TTC29: variants seen among roughly 807,000 people sequenced by gnomAD.
TTC29 encodes the protein tetratricopeptide repeat domain 29, also known as tetratricopeptide repeat protein 29.
TTC29 carries 49 observed loss-of-function variants against 58.1 expected under a neutral mutation model. The observed-to-expected ratio is 0.84, with a 90% CI of 0.67 to 1.07. The LOEUF (loss-of-function observed/expected upper bound fraction) is 1.07, where lower values mean the gene tolerates loss of function less well. TTC29 is among the 50% of genes least tolerant of loss of function. The pLI is 0.00. For synonymous variants in TTC29, 209 were observed against 196.8 expected, an observed-to-expected ratio of 1.06 and a Z score of -0.52; for missense variants, 582 against 555.6, an observed-to-expected ratio of 1.05 and a Z score of -0.48.
chr4:146,847,554 G>A (rs770750178), intron 8 of TTC29, among the ~76,000 whole-genome samples: 2 of 152,188 alleles, frequency 1.3e-5, no homozygotes, highest in African/African-American at 2.4e-5. Flanking sequence ...CCGGCACTGA[G>A]GCAGAGACAG....
intron 10 of TTC29, among the ~76,000 whole-genome samples, chr4:146,817,603 A>C (rs1416770566): frequency 6.6e-6 from 1 of 152,230 alleles, no homozygotes; most frequent in Non-Finnish European, 1.5e-5. Flanking sequence ...ATATGGAATC[A>C]AAACAGAGCC....
chr4:146,907,892 AT>A (rs900112703), intron 5 of TTC29, among the ~76,000 whole-genome samples: 19 of 152,136 alleles, frequency 1.2e-4, no homozygotes, highest in Middle Eastern at 3.4e-3. Flanking sequence ...TCACCAAAAT[AT>A]TTTTTTTCAC....
intron 6 of TTC29, among the ~76,000 whole-genome samples, chr4:146,885,395 A>G (rs1157324639): frequency 6.6e-6 from 1 of 152,076 alleles, no homozygotes; most frequent in Admixed American, 6.6e-5. Flanking sequence ...ATTTTGGTCA[A>G]GTTTCATTCT....
chr4:146,810,212 A>C (rs1750918416), intron 10 of TTC29, among the ~76,000 whole-genome samples: 1 of 152,168 alleles, frequency 6.6e-6, no homozygotes, highest in Non-Finnish European at 1.5e-5. Context: ...TTGAACAGCG[A>C]GAAGACATGG....
intron 11 of TTC29, among the ~76,000 whole-genome samples, chr4:146,733,212 C>T (rs1744471889): frequency 6.6e-6 from 1 of 152,040 alleles, no homozygotes; most frequent in Admixed American, 6.6e-5. Flanking sequence ...CTATAGATAT[C>T]TTGAAATTAC....
chr4:146,913,644 A>G (rs1053888469), intron 4 of TTC29, among the ~76,000 whole-genome samples: 8 of 152,054 alleles, frequency 5.3e-5, no homozygotes, highest in Non-Finnish European at 7.4e-5. Context: ...TCTTGACAAG[A>G]TTCTCTCGTA....
At chr4:146,744,371 AAG>A (rs373720097) in intron 11 of TTC29, among the ~76,000 whole-genome samples, 3 of 150,554 alleles carry the variant, frequency 2.0e-5, no homozygotes, top group East Asian at 1.9e-4. Flanking sequence ...CATCTCTTAA[AAG>A]AGAGAGAGAG....
chr4:146,806,821 C>T (rs558679298), intron 10 of TTC29, among the ~76,000 whole-genome samples: 19 of 152,162 alleles, frequency 1.2e-4, no homozygotes, highest in East Asian at 5.8e-4. Context: ...CAATATTAGA[C>T]GGATCAACGA....
At chr4:146,805,180 A>T (rs1179494487) in intron 10 of TTC29, among the ~76,000 whole-genome samples, 1 of 152,190 alleles carries the variant, frequency 6.6e-6, no homozygotes, top group African/African-American at 2.4e-5. Flanking sequence ...ACATAAAGGA[A>T]TAGCATCAAC....
intron 8 of TTC29, among the ~76,000 whole-genome samples, chr4:146,861,627 G>C (rs1730237946): frequency 6.6e-6 from 1 of 152,094 alleles, no homozygotes; most frequent in African/African-American, 2.4e-5. Context: ...TCATATGCTT[G>C]TCTGCACATT....
intron 11 of TTC29, among the ~76,000 whole-genome samples, chr4:146,760,194 C>A (rs557526236): frequency 6.6e-6 from 1 of 151,642 alleles, no homozygotes; most frequent in East Asian, 1.9e-4. Flanking sequence ...ACAACAGCTG[C>A]AAAAAATTTA....
chr4:146,865,514 G>A (rs942891400), intron 8 of TTC29, among the ~76,000 whole-genome samples: 6 of 152,200 alleles, frequency 3.9e-5, no homozygotes, highest in African/African-American at 9.6e-5. Context: ...AACAATAGAC[G>A]ACTAGAGGGA....
intron 11 of TTC29, among the ~76,000 whole-genome samples, chr4:146,724,534 T>A (rs933031159): frequency 6.6e-5 from 10 of 151,840 alleles, no homozygotes; most frequent in African/African-American, 1.9e-4. Flanking sequence ...CTTTTTTTTT[T>A]ATTTTTTTAT....
rs905348257 is a variant in TTC29, at chr4:146,758,710, T to C, written c.1330+44747A>G. 2.0e-5 allele frequency among the ~76,000 whole-genome samples: 3 copies of C among 152,014 alleles called. No individual in the cohort carries two copies. The East Asian group carries it at 5.8e-4, about 29-fold the overall frequency. On this transcript the variant is annotated intron_variant, in intron 11 of 12. Coordinates refer to ENST00000325106, the MANE Select transcript of TTC29 (RefSeq NM_031956.4). ...GAGTCTTCAAAACCATGCAAATACA[T>C]GGAAGTTAAATAATCTGCTCCCAAA... is the stretch of plus-strand genomic sequence containing the variant.
intron 8 of TTC29, among the ~76,000 whole-genome samples, chr4:146,860,669 A>G (rs1561196775): frequency 1.3e-5 from 2 of 152,188 alleles, no homozygotes; most frequent in Non-Finnish European, 2.9e-5. Flanking sequence ...AATGGTGCAT[A>G]ATTGAAAACT....
Position 146,903,667 on chromosome 4 carries a change from C to T in TTC29, c.463G>A (p.Asp155Asn). The change falls in exon 6 of 13, where the codon GAC becomes AAC. Residue 155 changes from aspartate (D) to asparagine (N), a missense_variant. Coordinates refer to ENST00000325106, the MANE Select transcript of TTC29 (RefSeq NM_031956.4). ...TAGAAGTGGTTCCTTACCCACTTGT[C>T]TTCAGAATTATTGAAGTAACAGGCC... ...ALACYFNNSEDKWVRNHFYER... is the reference protein window; with the variant it reads ...ALACYFNNSENKWVRNHFYER... 7.4e-6 allele frequency: 12 copies of T among 1,612,740 alleles called. No individual in the cohort carries two copies. The highest frequency in any genetic ancestry group is 1.0e-5 in the Non-Finnish European group (12 of 1,179,346).
At chr4:146,925,766 C>T (rs898336484) in intron 4 of TTC29, among the ~76,000 whole-genome samples, 2 of 152,118 alleles carry the variant, frequency 1.3e-5, no homozygotes, top group South Asian at 4.1e-4. Context: ...ATCATGATTG[C>T]AGAACAACTG....
At chr4:146,885,964 A>C (rs942109665) in intron 6 of TTC29, among the ~76,000 whole-genome samples, 2 of 151,986 alleles carry the variant, frequency 1.3e-5, no homozygotes, top group Non-Finnish European at 2.9e-5. Flanking sequence ...TCCATATTTC[A>C]TCTTTGGTGA....
chr4:146,778,629 G>C (rs543073589), intron 11 of TTC29, among the ~76,000 whole-genome samples: 2 of 152,200 alleles, frequency 1.3e-5, no homozygotes, highest in African/African-American at 4.8e-5. Context: ...TCAAATGTGA[G>C]TACACATTTC....
Sources: allele counts gnomAD v4.1 joint callset (sites outside exome capture counted in the v4.1 genomes callset), GRCh38; gene constraint gnomAD v4.1.1; transcripts MANE v1.5; gene names NCBI Gene and HGNC (gene_info 2026-07-23, HGNC 2026-07-21).